Variants in RTN4 observed in about 807,000 individuals in gnomAD.
The protein encoded by RTN4 is reticulon-4.
In RTN4, 32 loss-of-function variants were observed where a neutral mutation model predicts 90.4. That is an observed-to-expected ratio of 0.35 (90% CI 0.27 to 0.48). The LOEUF is 0.48. Ranked by LOEUF, RTN4 falls within the 20% of genes least tolerant of loss-of-function variation. The probability of loss-of-function intolerance (pLI) is 0.99; values close to 1 mark genes in which losing one functional copy is unlikely to be tolerated. For missense variants in RTN4, 1,706 were observed against 1,430.2 expected (o/e 1.19, Z -3.11); for synonymous variants, 629 against 552.5 (o/e 1.14, Z -1.94).
Position 55,050,153 on chromosome 2 carries a change from C to T in RTN4, c.148G>A (p.Glu50Lys), listed in dbSNP as rs1182837968. Residue 50 changes from glutamate to lysine, a missense_variant, in exon 1 of 9, where the codon GAG becomes AAG. By Grantham distance (56) the Glu-to-Lys change is moderately conservative. Coordinates refer to ENST00000337526, the MANE Select transcript of RTN4 (RefSeq NM_020532.5). This position sits in a 1 kb window ranked among gnomAD's most constrained non-coding sequence, Gnocchi z 4.6. ...EEEEDEDEDL[E>K]ELEVLERKPA... Reference sequence around the variant, plus strand: ...TTCCTCTCCAGCACCTCCAGCTCCTCCAGGTCTTCGTCCTCGTCCTCCTCT... The same window carrying T: ...TTCCTCTCCAGCACCTCCAGCTCCTTCAGGTCTTCGTCCTCGTCCTCCTCT... 7 of 1,560,626 alleles carry T rather than the reference C, an allele frequency of 4.5e-6. No homozygotes were observed. The highest frequency in any genetic ancestry group is 6.0e-6 in the Non-Finnish European group (7 of 1,161,004).
At chr2:55,127,321 G>A in the RTN4 span, among the ~76,000 whole-genome samples, 8 of 152,126 alleles carry the variant, frequency 5.3e-5, no homozygotes, top group African/African-American at 7.2e-5. Context: ...GGATGATTTC[G>A]TTTCATTTCA....
At chr2:55,004,381 C>T (rs1680056803) in intron 3 of RTN4, among the ~76,000 whole-genome samples, 2 of 152,122 alleles carry the variant, frequency 1.3e-5, no homozygotes, top group South Asian at 4.1e-4. Flanking sequence ...CCACCATGGA[C>T]CTGTGGCATG....
intron 1 of RTN4, among the ~76,000 whole-genome samples, chr2:55,082,945 C>T (rs887421951): frequency 1.8e-4 from 28 of 151,696 alleles, no homozygotes; most frequent in African/African-American, 6.3e-4. Context: ...AACGAGACTC[C>T]GTCTCAAAAA....
At chr2:54,978,431 CAAAA>C (rs10718270) in intron 5 of RTN4, among the ~76,000 whole-genome samples, 1 of 81,120 alleles carries the variant, frequency 1.2e-5, no homozygotes, top group Non-Finnish European at 2.4e-5. Context: ...ACTCTATCTC[CAAAA>C]AAAAAAAAAA....
At chr2:55,096,948 G>A (rs776943219) in intron 1 of RTN4, among the ~76,000 whole-genome samples, 14 of 151,924 alleles carry the variant, frequency 9.2e-5, no homozygotes, top group Non-Finnish European at 1.6e-4. Context: ...AGGTAGATGC[G>A]AGGTATTTAT....
chr2:54,995,924 G>A (rs1229917978), intron 3 of RTN4, among the ~76,000 whole-genome samples: 1 of 151,854 alleles, frequency 6.6e-6, no homozygotes, highest in Non-Finnish European at 1.5e-5. Context: ...AAACAACACT[G>A]AACAAAACAA....
chr2:55,031,910 A>C (rs1682343013), intron 1 of RTN4, among the ~76,000 whole-genome samples: 1 of 152,202 alleles, frequency 6.6e-6, no homozygotes, highest in East Asian at 1.9e-4. Context: ...ACTTGAAAGG[A>C]TCAAAATGAT....
chr2:54,985,825 C>G (rs1678516864), intron 4 of RTN4, among the ~76,000 whole-genome samples: 1 of 152,210 alleles, frequency 6.6e-6, no homozygotes. Context: ...TATGCCCAAA[C>G]AGATATTACC....
intron 3 of RTN4, among the ~76,000 whole-genome samples, chr2:55,020,967 G>A (rs1681384363): frequency 6.6e-6 from 1 of 152,170 alleles, no homozygotes; most frequent in Non-Finnish European, 1.5e-5. Context: ...CTGCACTTCA[G>A]CCTGGGCGAC....
Position 54,972,994 on chromosome 2 carries a change from G to GTAAT in RTN4, c.*158_*161dup. On this transcript the variant is annotated 3_prime_UTR_variant, in exon 9 of 9. Transcript: ENST00000337526. ...GATGAACACATGGCAGTCAAGACAG[G>GTAAT]TAATTTTTCCTCACAACAGTGCATG... The GTAAT allele has an allele frequency of 3.7e-6, 2 of 546,610 alleles. No homozygotes were observed. Among genetic ancestry groups the GTAAT allele is most frequent in the Middle Eastern group, 2.7e-4 (1 of 3,654 alleles). 33.9% of individuals were successfully genotyped at this position (546,610 alleles called of 1,614,324 possible). A position where few individuals can be genotyped will look rare whatever the true frequency, so the allele number is the denominator to read the frequency against.
intron 3 of RTN4, among the ~76,000 whole-genome samples, chr2:54,995,627 G>A (rs1220604147): frequency 6.6e-6 from 1 of 151,988 alleles, no homozygotes; most frequent in Non-Finnish European, 1.5e-5. Flanking sequence ...TCTGGGTCAC[G>A]GGTGGCCAGA....
intron 2 of RTN4, among the ~76,000 whole-genome samples, chr2:55,074,341 A>G (rs183160064): frequency 1.3e-5 from 2 of 152,154 alleles, no homozygotes; most frequent in Admixed American, 1.3e-4. Flanking sequence ...TGTCTCTACA[A>G]AAAATGTTAA....
chr2:55,049,191 A>G, intron 1 of RTN4: 1 of 986,396 alleles, frequency 1.0e-6, no homozygotes, highest in Non-Finnish European at 1.2e-6. Context: ...CCACGAGCAC[A>G]GGAGGAGGGG....
At chr2:55,086,760 G>A (rs971311688) in intron 1 of RTN4, among the ~76,000 whole-genome samples, 3 of 151,438 alleles carry the variant, frequency 2.0e-5, no homozygotes, top group Admixed American at 6.6e-5. Context: ...CATCTTTCCC[G>A]CAAAGGTAAC....
At chr2:55,113,075 C>G (rs1182484316), upstream of RTN4, among the ~76,000 whole-genome samples, 1 of 152,132 alleles carries the variant, frequency 6.6e-6, no homozygotes, top group Non-Finnish European at 1.5e-5. Context: ...TCCAGGGCCC[C>G]AAAAACCACC....
chr2:55,096,012 A>T (rs1490173789), intron 1 of RTN4, among the ~76,000 whole-genome samples: 1 of 152,178 alleles, frequency 6.6e-6, no homozygotes, highest in Non-Finnish European at 1.5e-5. Flanking sequence ...GAGGTAAAGT[A>T]CCATTTTCAT....
chr2:55,075,052 A>T (rs1668577465), intron 2 of RTN4, among the ~76,000 whole-genome samples: 1 of 152,246 alleles, frequency 6.6e-6, no homozygotes, highest in African/African-American at 2.4e-5. Context: ...ACTTGTGTTC[A>T]ACATAGTACT....
At position 55,025,139 on chromosome 2, in the gene RTN4, T is replaced by C; in HGVS notation, c.2960A>G (p.Lys987Arg). The C allele has an allele frequency of 1.2e-6, 2 of 1,613,534 alleles. No homozygotes were observed. The highest frequency in any genetic ancestry group is 8.5e-7 in the Non-Finnish European group (1 of 1,179,722). Residue 987 changes from lysine (K) to arginine (R), a missense_variant, in exon 3 of 9, where the codon AAA becomes AGA. Physicochemically the swap from Lys to Arg is conservative, Grantham distance 26. Transcript: ENST00000337526. ...AEKKLPSDTE[K>R]EDRSPSAIFS... is the part of the protein sequence containing the mutation. Reference sequence around the variant, plus strand: ...TATAGCAGATGGTGATCTGTCCTCTTTTTCTGTATCGGAAGGAAGTTTTTT... The same window carrying C: ...TATAGCAGATGGTGATCTGTCCTCTCTTTCTGTATCGGAAGGAAGTTTTTT...
chr2:55,129,660 C>G, the RTN4 span, among the ~76,000 whole-genome samples: 1 of 152,082 alleles, frequency 6.6e-6, no homozygotes, highest in Admixed American at 6.5e-5. Context: ...CTCCCGGGCT[C>G]AAGCAATTCT....
Sources: allele counts gnomAD v4.1 joint callset (sites outside exome capture counted in the v4.1 genomes callset), GRCh38; gene constraint gnomAD v4.1.1; non-coding constraint Gnocchi (gnomAD v3.1); transcripts MANE v1.5; gene names NCBI Gene and HGNC (gene_info 2026-07-23, HGNC 2026-07-21).